The following ADAM9 variants were observed in gnomAD, a reference collection of about 807,000 sequenced individuals.
The protein encoded by ADAM9 is ADAM metallopeptidase domain 9, also known as disintegrin and metalloproteinase domain-containing protein 9.
A neutral mutation model predicts 108.1 loss-of-function variants in ADAM9; 54 were observed. The ratio of observed to expected loss-of-function variants is 0.50; its 90% CI spans 0.40 to 0.63. ADAM9 has a LOEUF of 0.63. Ranked by LOEUF, ADAM9 falls within the 20% of genes least tolerant of loss-of-function variation. ADAM9 has a pLI of 0.00. For synonymous variants in ADAM9, 316 were observed against 336.0 expected (o/e 0.94, Z 0.65); for missense variants, 830 against 997.7 (o/e 0.83, Z 2.26).
chr8:38,997,945 A>G (rs1835875441), intron 1 of ADAM9, among the ~76,000 whole-genome samples: 3 of 152,260 alleles, frequency 2.0e-5, no homozygotes. Context: ...ACTATGTAAG[A>G]TACTTGTATT....
At chr8:39,035,806 G>T (rs1837254285) in intron 11 of ADAM9, among the ~76,000 whole-genome samples, 1 of 152,024 alleles carries the variant, frequency 6.6e-6, no homozygotes, top group Non-Finnish European at 1.5e-5. Flanking sequence ...GACAGAGCGA[G>T]ACTCTGTCTC....
At chr8:39,008,075 G>A in intron 2 of ADAM9, 92 bp downstream of exon 2, 2 of 931,888 alleles carry the variant, frequency 2.1e-6, no homozygotes, top group Non-Finnish European at 3.4e-6. Context: ...GATCAGTTCA[G>A]TGAGTTATTA....
chr8:39,054,944 AGTGTATGT>A (rs1331198495), intron 13 of ADAM9, among the ~76,000 whole-genome samples: 5 of 152,094 alleles, frequency 3.3e-5, no homozygotes, highest in Non-Finnish European at 7.4e-5. Flanking sequence ...TACAAATGTG[AGTGTATGT>A]GTGTATGTGT....
intron 11 of ADAM9, among the ~76,000 whole-genome samples, chr8:39,032,118 A>ACT (rs1837115158): frequency 6.6e-6 from 1 of 152,234 alleles, no homozygotes; most frequent in East Asian, 1.9e-4. Context: ...GTTAGGCTAC[A>ACT]TGGGTGTCAG....
chr8:39,020,700 T>G (rs1836708843), intron 7 of ADAM9, among the ~76,000 whole-genome samples: 1 of 152,216 alleles, frequency 6.6e-6, no homozygotes, highest in Non-Finnish European at 1.5e-5. Context: ...TTAGAAATGG[T>G]TTATTGGTGC....
chr8:39,074,410 A>T (rs1449251225), intron 15 of ADAM9, among the ~76,000 whole-genome samples: 49 of 152,174 alleles, frequency 3.2e-4, no homozygotes, highest in Non-Finnish European at 7.4e-5. Flanking sequence ...GATGAACACC[A>T]ATATATCCCA....
intron 1 of ADAM9, among the ~76,000 whole-genome samples, chr8:38,997,772 C>CT (rs1835867950): frequency 6.6e-6 from 1 of 152,198 alleles, no homozygotes; most frequent in Admixed American, 6.5e-5. Context: ...AAACGATGTG[C>CT]TACCTTTCTA....
chr8:39,082,503 T>G (rs1282054388), intron 16 of ADAM9, 138 bp from the exon 17 acceptor site: 2 of 633,572 alleles, frequency 3.2e-6, no homozygotes, highest in East Asian at 2.8e-5. Flanking sequence ...TTTAAAAATA[T>G]AATATGGGAA....
intron 7 of ADAM9, among the ~76,000 whole-genome samples, chr8:39,020,091 C>G (rs1836685409): frequency 6.6e-6 from 1 of 152,228 alleles, no homozygotes; most frequent in Non-Finnish European, 1.5e-5. Flanking sequence ...TGATACCATC[C>G]TGGCTAACAC....
At chr8:39,054,303 T>A (rs1189729339) in intron 12 of ADAM9, among the ~76,000 whole-genome samples, 178 bp from the exon 13 acceptor site, 1 of 152,162 alleles carries the variant, frequency 6.6e-6, no homozygotes, top group African/African-American at 2.4e-5. Context: ...TGTTGAGACT[T>A]ATACTTGCAG....
intron 3 of ADAM9, 90 bp downstream of exon 3, chr8:39,011,806 C>T: frequency 7.9e-7 from 1 of 1,258,388 alleles, no homozygotes; most frequent in Non-Finnish European, 1.2e-6. Context: ...TTAGTGGATC[C>T]TGAACCCTGG....
In ADAM9 at chr8:39,055,591, T is replaced by G; in HGVS notation, c.1410T>G (p.Gly470=). 3 of 1,613,676 alleles carry G rather than the reference T, an allele frequency of 1.9e-6. No homozygotes were observed. Among genetic ancestry groups the G allele is most frequent in the Non-Finnish European group, 2.5e-6 (3 of 1,179,664 alleles). The change falls in exon 14 of 22, where the codon GGT becomes GGG. Residue 470 remains glycine, a synonymous_variant. Coordinates refer to ENST00000487273, the MANE Select transcript of ADAM9 (RefSeq NM_003816.3). The part of the protein sequence containing the change: ...CCKDCRFLPG[G]TLCRGKTSEC... ...TATTTCACTAGTTCCTTCCAGGAGG[T>G]ACTTTATGCCGAGGAAAAACCAGTG...
rs6474519 is a variant in ADAM9 at position 39,018,949 on chromosome 8, C to T, written c.672+31C>T. On this transcript the variant is annotated intron_variant, in intron 7 of 21. Coordinates refer to ENST00000487273, the MANE Select transcript of ADAM9 (RefSeq NM_003816.3). ...ATTGGTGACAATTTTTCTTCTTTTC[C>T]ATGAAAAGGATATGAGAAGTGAGCA... 706,122 of 1,596,524 alleles carry T rather than the reference C, an allele frequency of 0.44. 159,479 individuals carry two copies. Among genetic ancestry groups the T allele is most frequent in the East Asian group, 0.71 (31,566 of 44,724 alleles).
intron 20 of ADAM9, among the ~76,000 whole-genome samples, chr8:39,091,784 GC>G (rs1839364285): frequency 6.6e-6 from 1 of 152,186 alleles, no homozygotes; most frequent in African/African-American, 2.4e-5. Flanking sequence ...ACTGTGCCCT[GC>G]CCCCTGAGTT....
chr8:39,083,142 C>A, intron 18 of ADAM9, 69 bp downstream of exon 18: 2 of 1,133,006 alleles, frequency 1.8e-6, no homozygotes, highest in African/African-American at 1.5e-5. Flanking sequence ...CATCCTCGTA[C>A]CTCTCCCTCA....
chr8:39,042,419 C>T (rs930101372), intron 12 of ADAM9, among the ~76,000 whole-genome samples: 14 of 152,196 alleles, frequency 9.2e-5, no homozygotes, highest in Middle Eastern at 6.8e-3. Context: ...ATGAATTTCA[C>T]CTGGCTCTTT....
chr8:39,039,189 T>C (rs985074335), intron 11 of ADAM9, among the ~76,000 whole-genome samples: 7 of 152,198 alleles, frequency 4.6e-5, no homozygotes, highest in African/African-American at 1.7e-4. Flanking sequence ...GCAACATAGC[T>C]TTCACTCCTG....
intron 21 of ADAM9, among the ~76,000 whole-genome samples, chr8:39,103,262 A>G (rs2129443675): frequency 6.6e-6 from 1 of 152,294 alleles, no homozygotes; most frequent in East Asian, 1.9e-4. Context: ...CTCAAATTCT[A>G]ACAGCACAGG....
rs147555460 is a variant in ADAM9, at chr8:39,034,554, T to C, written c.1131-7392T>C. 4.5e-3 allele frequency among the ~76,000 whole-genome samples: 682 copies of C among 152,318 alleles called. 3 individuals carry two copies. The highest frequency in any genetic ancestry group is 0.016 in the African/African-American group (656 of 41,572). On this transcript the variant is annotated intron_variant, in intron 11 of 21. Coordinates refer to ENST00000487273, the MANE Select transcript of ADAM9 (RefSeq NM_003816.3). ...AGAACCAGTTTTGACTTTCCTTTAATGTGTTTTTAGTAGTAGTGTATCTCT... is the reference window on the plus strand; with the variant it reads ...AGAACCAGTTTTGACTTTCCTTTAACGTGTTTTTAGTAGTAGTGTATCTCT...
Sources: allele counts gnomAD v4.1 joint callset (sites outside exome capture counted in the v4.1 genomes callset), GRCh38; gene constraint gnomAD v4.1.1; transcripts MANE v1.5; gene names NCBI Gene and HGNC (gene_info 2026-07-23, HGNC 2026-07-21).